The following DPF3 variants were observed in gnomAD, a reference collection of about 807,000 sequenced individuals.
The protein encoded by DPF3 is zinc finger protein DPF3.
In DPF3, 18 loss-of-function variants were observed where a neutral mutation model predicts 56.8. The observed-to-expected ratio is 0.32, with a 90% CI of 0.22 to 0.47. DPF3 has a LOEUF of 0.47. DPF3 is among the 20% of genes least tolerant of loss of function. The probability of loss-of-function intolerance (pLI) is 1.00; values close to 1 mark genes in which losing one functional copy is unlikely to be tolerated. For synonymous variants in DPF3, 188 were observed against 180.2 expected (o/e 1.04, Z -0.35); for missense variants, 403 against 488.8 (o/e 0.82, Z 1.65).
At chr14:72,884,626 C>A (rs1440462183) in intron 1 of DPF3, among the ~76,000 whole-genome samples, 1 of 151,810 alleles carries the variant, frequency 6.6e-6, no homozygotes, top group Non-Finnish European at 1.5e-5. Flanking sequence ...ACTCCTGCCC[C>A]CCAAGCTATC....
intron 1 of DPF3, among the ~76,000 whole-genome samples, chr14:72,882,400 G>A (rs1047874478): frequency 1.3e-5 from 2 of 152,194 alleles, no homozygotes; most frequent in African/African-American, 2.4e-5. Context: ...TTTCAGAAGT[G>A]TTAGAAGAAC....
chr14:72,697,941 C>A (rs555165758), intron 6 of DPF3, among the ~76,000 whole-genome samples: 2 of 152,306 alleles, frequency 1.3e-5, no homozygotes, highest in East Asian at 3.9e-4. Flanking sequence ...CCACACAGCC[C>A]TTCTGCTCGC....
intron 1 of DPF3, among the ~76,000 whole-genome samples, chr14:72,806,303 C>T (rs934973030): frequency 4.6e-5 from 7 of 152,298 alleles, no homozygotes; most frequent in African/African-American, 1.7e-4. Flanking sequence ...GCTCAACCAA[C>T]GTATGACAGT....
chr14:72,893,913 G>T, intron 1 of DPF3, 144 bp downstream of exon 1: 1 of 864,522 alleles, frequency 1.2e-6, no homozygotes, highest in Non-Finnish European at 1.9e-6. Context: ...AGATGAAGAA[G>T]TAAGAGCTGA....
At chr14:72,761,381 C>T (rs1891063471) in intron 2 of DPF3, among the ~76,000 whole-genome samples, 1 of 152,012 alleles carries the variant, frequency 6.6e-6, no homozygotes, top group Non-Finnish European at 1.5e-5. Context: ...ATTCTCTGAC[C>T]ATTTGGAATT....
rs59858422 is a variant in DPF3, at chr14:72,864,671, C to CGGATGGAT, written c.32+29378_32+29385dup. ...GCCCAGGTTGGCACTCAGTAATTAG[C>CGGATGGAT]GGATGGATGGATGGATGGATGGATG... On this transcript the variant is annotated intron_variant, in intron 1 of 10. Transcript: ENST00000556509. Among the ~76,000 whole-genome samples, 550 of 151,164 alleles carry CGGATGGAT rather than the reference C, an allele frequency of 3.6e-3. 3 individuals are homozygous for CGGATGGAT. Among genetic ancestry groups the CGGATGGAT allele is most frequent in the South Asian group, 0.017 (80 of 4,708 alleles).
chr14:72,734,022 G>A (rs377168701), intron 3 of DPF3, among the ~76,000 whole-genome samples: 7 of 152,158 alleles, frequency 4.6e-5, no homozygotes, highest in African/African-American at 7.2e-5. Context: ...GCGCTACCAC[G>A]AAATCAGCCA....
intron 1 of DPF3, among the ~76,000 whole-genome samples, chr14:72,777,548 T>C (rs1891793590): frequency 6.6e-6 from 1 of 152,208 alleles, no homozygotes; most frequent in African/African-American, 2.4e-5. Context: ...TGGGAGGTGA[T>C]ATCATTTGAT....
intron 4 of DPF3, among the ~76,000 whole-genome samples, chr14:72,729,197 G>A (rs952532994): frequency 2.6e-5 from 4 of 152,040 alleles, no homozygotes; most frequent in Non-Finnish European, 4.4e-5. Context: ...GCAGCGAGCC[G>A]AGATTGCACC....
chr14:72,674,244 G>T lies in DPF3; in HGVS notation c.867C>A (p.Arg289=), dbSNP rs1253767169. The T allele has an allele frequency of 6.8e-6, 11 of 1,612,496 alleles. No individual in the cohort carries two copies. The highest frequency in any genetic ancestry group is 9.3e-6 in the Non-Finnish European group (11 of 1,179,326). ...GTGGGAAGGGGCCACACTCACCAGA[G>T]CGTCCACAGTCTGCGCAGGACACCA... ...EELVSCADCG[R]SGHPTCLQFT... The change falls in exon 8 of 11, where the codon CGC becomes CGA. Residue 289 remains arginine (R), a synonymous_variant. Coordinates refer to ENST00000556509, the MANE Select transcript of DPF3 (RefSeq NM_001280542.3).
intron 6 of DPF3, among the ~76,000 whole-genome samples, chr14:72,701,239 C>T (rs1485636317): frequency 2.0e-5 from 3 of 152,166 alleles, no homozygotes; most frequent in Admixed American, 6.5e-5. Flanking sequence ...TGCCTGTGCA[C>T]GACCTAAGGT....
chr14:72,846,436 C>G (rs1240991398), intron 1 of DPF3, among the ~76,000 whole-genome samples: 1 of 150,456 alleles, frequency 6.6e-6, no homozygotes, highest in South Asian at 2.1e-4. Flanking sequence ...CCTGGGTTCA[C>G]GCCATTCTCC....
At chr14:72,620,566 T>C (rs1281185627) in intron 9 of DPF3, among the ~76,000 whole-genome samples, 2 of 152,286 alleles carry the variant, frequency 1.3e-5, no homozygotes, top group East Asian at 3.9e-4. Flanking sequence ...ACCCCAGGGT[T>C]GTGGTTAACT....
At chr14:72,826,353 T>C (rs1175699996) in intron 1 of DPF3, among the ~76,000 whole-genome samples, 5 of 152,136 alleles carry the variant, frequency 3.3e-5, no homozygotes, top group African/African-American at 4.8e-5. Context: ...CCTCTAGGCT[T>C]CCTCCCTGCA....
At chr14:72,763,762 C>A (rs527800389) in intron 2 of DPF3, among the ~76,000 whole-genome samples, 1 of 152,204 alleles carries the variant, frequency 6.6e-6, no homozygotes, top group African/African-American at 2.4e-5. Context: ...AAAACTTCTG[C>A]TCTTTGAATG....
chr14:72,711,707 G>T (rs1432795090), intron 6 of DPF3, among the ~76,000 whole-genome samples: 1 of 152,096 alleles, frequency 6.6e-6, no homozygotes, highest in East Asian at 1.9e-4. Flanking sequence ...GTGCCTATTC[G>T]TAGGGGAAAG....
At chr14:72,756,902 GA>G (rs1203399335) in intron 2 of DPF3, among the ~76,000 whole-genome samples, 8 of 112,470 alleles carry the variant, frequency 7.1e-5, no homozygotes, top group South Asian at 3.1e-4. Flanking sequence ...AGAAAGAAAA[GA>G]AAAAAAGAAA....
rs116148633 is a variant in DPF3 at position 72,757,343 on chromosome 14, G to A, written c.194-3972C>T. 6.0e-3 allele frequency among the ~76,000 whole-genome samples: 905 copies of A among 152,096 alleles called. 3 individuals carry two copies. Among genetic ancestry groups the A allele is most frequent in the Non-Finnish European group, 9.5e-3 (644 of 67,978 alleles). On this transcript the variant is annotated intron_variant, in intron 2 of 10. Transcript: ENST00000556509. ...TCACAGGACACAGTGTCCCACTGTC[G>A]GCCAACTCTTACTGTGATAAAGAGA...
intron 1 of DPF3, among the ~76,000 whole-genome samples, chr14:72,772,113 C>A (rs1437833731): frequency 6.6e-6 from 1 of 152,200 alleles, no homozygotes; most frequent in Non-Finnish European, 1.5e-5. Context: ...CACCAGGCAA[C>A]TTAGAAACTC....
Sources: allele counts gnomAD v4.1 joint callset (sites outside exome capture counted in the v4.1 genomes callset), GRCh38; gene constraint gnomAD v4.1.1; transcripts MANE v1.5; gene names NCBI Gene and HGNC (gene_info 2026-07-23, HGNC 2026-07-21).